OSBPL8: variants seen among roughly 807,000 people sequenced by gnomAD.
OSBPL8 encodes the protein oxysterol-binding protein-related protein 8.
A neutral mutation model predicts 125.5 loss-of-function variants in OSBPL8; 59 were observed. The ratio of observed to expected loss-of-function variants is 0.47; its 90% CI spans 0.38 to 0.58. OSBPL8 has a LOEUF of 0.58. Among genes scored for constraint, OSBPL8 ranks in the 20% least tolerant of loss-of-function variants. OSBPL8 has a pLI of 0.00. For synonymous variants in OSBPL8, 330 were observed against 338.9 expected (o/e 0.97, Z 0.29); for missense variants, 758 against 1,047.8 (o/e 0.72, Z 3.82).
Position 76,482,957 on chromosome 12 carries a change from T to G in OSBPL8, c.42+4553A>C, listed in dbSNP as rs540393234. Among the ~76,000 whole-genome samples, 14 of 152,138 alleles carry G rather than the reference T, an allele frequency of 9.2e-5. No individual in the cohort carries two copies. The South Asian group carries it at 2.5e-3, about 27-fold the overall frequency. On this transcript the variant is annotated intron_variant, in intron 2 of 23. Transcript: ENST00000261183. ...AACTAGAATAACAAGTGAGCAAATG[T>G]GTTTTAAAAATATATAGTATTGGGC...
intron 1 of OSBPL8, among the ~76,000 whole-genome samples, chr12:76,503,195 A>G (rs2137128315): frequency 6.6e-6 from 1 of 152,332 alleles, no homozygotes; most frequent in East Asian, 1.9e-4. Flanking sequence ...AACTGGGGGT[A>G]GCTTAAACAA....
At position 76,392,737 on chromosome 12, in the gene OSBPL8, T is replaced by A. The variant is rs759390128; in HGVS notation, c.773A>T (p.Asp258Val). 6.2e-7 allele frequency: 1 copy of A among 1,613,240 alleles called. No homozygotes were observed. The highest frequency in any genetic ancestry group is 1.1e-5 in the South Asian group (1 of 90,994). ...ACATTTCAAAGCCAACTCCAAAGCA[T>A]CCATCCAGCACCTTCCTAAAAGAAC... ...TSESDGRCWM[D>V]ALELALKCSS... The change falls in exon 10 of 24, where the codon GAT becomes GTT. Residue 258 changes from aspartate (D) to valine (V), a missense_variant. Asp to Val is a radical substitution (Grantham distance 152). Coordinates refer to ENST00000261183, the MANE Select transcript of OSBPL8 (RefSeq NM_020841.5).
chr12:76,458,924 G>A (rs1874376991), intron 3 of OSBPL8, among the ~76,000 whole-genome samples: 1 of 151,992 alleles, frequency 6.6e-6, no homozygotes, highest in Non-Finnish European at 1.5e-5. Flanking sequence ...AATTGTTTAG[G>A]AATCAATAAT....
intron 1 of OSBPL8, among the ~76,000 whole-genome samples, chr12:76,534,730 A>G (rs531219562): frequency 1.3e-5 from 2 of 152,302 alleles, no homozygotes; most frequent in African/African-American, 4.8e-5. Flanking sequence ...TTTCGAGATG[A>G]TGTTGGTTTG....
At chr12:76,530,977 T>G (rs543138520) in intron 1 of OSBPL8, among the ~76,000 whole-genome samples, 4 of 152,344 alleles carry the variant, frequency 2.6e-5, no homozygotes, top group Non-Finnish European at 5.9e-5. Flanking sequence ...ATTATTTTTA[T>G]TAAATGTTAT....
Position 76,386,580 on chromosome 12 carries a change from T to C in OSBPL8, c.1433A>G (p.Lys478Arg). ...TAAAATGTAAACAAACATTATTACC[T>C]TTGGCTTTTTATAGAATCCTGACAA... ...WYLSGFYKKP[K>R]GLKKPYNPIL... Residue 478 changes from lysine to arginine, a missense_variant and splice_region_variant, in exon 13 of 24, where the codon AAG (lysine) becomes AGG (arginine). By Grantham distance (26) the Lys-to-Arg change is conservative. This residue lies in a region of OSBPL8 where 572 missense variants were observed against 762.0 expected (regional missense o/e 0.75). Coordinates refer to ENST00000261183, the MANE Select transcript of OSBPL8 (RefSeq NM_020841.5). 6.3e-7 allele frequency: 1 copy of C among 1,591,112 alleles called. No individual in the cohort carries two copies. Among genetic ancestry groups the C allele is most frequent in the Non-Finnish European group, 8.6e-7 (1 of 1,166,608 alleles).
chr12:76,481,083 T>C (rs1877421519), intron 2 of OSBPL8, among the ~76,000 whole-genome samples: 2 of 152,236 alleles, frequency 1.3e-5, no homozygotes, highest in African/African-American at 4.8e-5. Flanking sequence ...AAAAAATGAA[T>C]GCATTCTCTA....
intron 1 of OSBPL8, among the ~76,000 whole-genome samples, chr12:76,508,474 G>A (rs1324491786): frequency 6.6e-6 from 1 of 152,102 alleles, no homozygotes; most frequent in Non-Finnish European, 1.5e-5. Flanking sequence ...TTGAACCAGA[G>A]GGACTCCATC....
chr12:76,409,275 T>C (rs368923597), intron 5 of OSBPL8, among the ~76,000 whole-genome samples: 2 of 152,170 alleles, frequency 1.3e-5, no homozygotes, highest in East Asian at 3.9e-4. Context: ...GCTCTACCTA[T>C]CCTTAGAAGA....
intron 1 of OSBPL8, among the ~76,000 whole-genome samples, chr12:76,493,950 T>C (rs976461372): frequency 6.6e-6 from 1 of 152,210 alleles, no homozygotes; most frequent in Admixed American, 6.5e-5. Flanking sequence ...TTCTTTCTTA[T>C]GCTTGATCAG....
At chr12:76,481,340 A>G (rs1877456877) in intron 2 of OSBPL8, among the ~76,000 whole-genome samples, 1 of 152,264 alleles carries the variant, frequency 6.6e-6, no homozygotes, top group Non-Finnish European at 1.5e-5. Context: ...AGTAATTGGC[A>G]TATGGATAAA....
intron 1 of OSBPL8, among the ~76,000 whole-genome samples, chr12:76,504,204 A>C (rs928980460): frequency 1.3e-5 from 2 of 151,978 alleles, no homozygotes; most frequent in African/African-American, 4.8e-5. Flanking sequence ...CTACCCTGCA[A>C]ATTTCATACT....
intron 1 of OSBPL8, among the ~76,000 whole-genome samples, chr12:76,540,008 AC>A (rs1950599787): frequency 6.6e-6 from 1 of 152,216 alleles, no homozygotes; most frequent in African/African-American, 2.4e-5. Context: ...TGCTGAGTAT[AC>A]CAGTAAATGA....
intron 9 of OSBPL8, 92 bp downstream of exon 9, chr12:76,394,552 TA>T: frequency 3.3e-6 from 3 of 896,150 alleles, no homozygotes; most frequent in Non-Finnish European, 5.1e-6. Context: ...AATGCCATAC[TA>T]AAAATATATT....
chr12:76,505,192 G>C (rs1381013067), intron 1 of OSBPL8, among the ~76,000 whole-genome samples: 2 of 152,124 alleles, frequency 1.3e-5, no homozygotes, highest in African/African-American at 4.8e-5. Flanking sequence ...CATCTGGGCA[G>C]CTGGCAAGAA....
intron 21 of OSBPL8, among the ~76,000 whole-genome samples, chr12:76,362,789 T>G (rs752674202): frequency 1.3e-5 from 2 of 152,214 alleles, no homozygotes; most frequent in Non-Finnish European, 2.9e-5. Context: ...AACCCCATCG[T>G]CTCAGCCCAA....
rs71668730 is a variant in OSBPL8, at chr12:76,516,817, C to CTT, written c.-67-29201_-67-29200dup. ...CATTTCTTTCCTTTTCTTTTCTTTT[C>CTT]TTTTTTTTTTTTTTTGAGATGGAGA... On this transcript the variant is annotated intron_variant, in intron 1 of 23. Coordinates refer to ENST00000261183, the MANE Select transcript of OSBPL8 (RefSeq NM_020841.5). Among the ~76,000 whole-genome samples the CTT allele has an allele frequency of 8.4e-5, 11 of 130,828 alleles. No homozygotes were observed. In the South Asian group the frequency reaches 1.4e-3, roughly 17 times the overall value. The allele number at this position is 130,828 out of a possible 152,430, so 85.8% of individuals were successfully genotyped here.
intron 21 of OSBPL8, among the ~76,000 whole-genome samples, chr12:76,360,692 C>G (rs778286342): frequency 3.4e-4 from 51 of 152,202 alleles, no homozygotes; most frequent in Non-Finnish European, 7.3e-5. Context: ...CTTCTGAAAT[C>G]GAGGTGGAGG....
At chr12:76,392,291 G>C (rs935082065) in intron 10 of OSBPL8, among the ~76,000 whole-genome samples, 9 of 152,154 alleles carry the variant, frequency 5.9e-5, no homozygotes, top group African/African-American at 1.7e-4. Context: ...AGGAGGAGTA[G>C]GCAGAAATCA....
Sources: gnomAD v4.1 joint callset for allele counts (sites outside exome capture counted in the v4.1 genomes callset) on GRCh38, gnomAD v4.1.1 for gene constraint, gnomAD v4.1.1 regional missense constraint, MANE v1.5 for transcripts, NCBI Gene and HGNC (gene_info 2026-07-23, HGNC 2026-07-21) for gene names.